Variants in ITGB5 observed in about 807,000 individuals in gnomAD.
The protein encoded by ITGB5 is integrin subunit beta 5.
In ITGB5, 38 loss-of-function variants were observed where a neutral mutation model predicts 84.8. The ratio of observed to expected loss-of-function variants is 0.45; its 90% confidence interval spans 0.35 to 0.59. The LOEUF is 0.59. Among genes scored for constraint, ITGB5 ranks in the 20% least tolerant of loss-of-function variants. The probability of loss-of-function intolerance (pLI) is 0.01; values close to 1 mark genes in which losing one functional copy is unlikely to be tolerated. For synonymous variants in ITGB5, 393 were observed against 414.4 expected (o/e 0.95, Z 0.63); for missense variants, 905 against 1,034.5 (o/e 0.87, Z 1.72).
At chr3:124,785,141 G>A (rs1218414053) in intron 10 of ITGB5, among the ~76,000 whole-genome samples, 1 of 152,208 alleles carries the variant, frequency 6.6e-6, no homozygotes, top group African/African-American at 2.4e-5. Flanking sequence ...AATTTCAGTG[G>A]GGAGTGTGGC....
intron 9 of ITGB5, among the ~76,000 whole-genome samples, chr3:124,798,604 G>A (rs1167978820): frequency 1.3e-5 from 2 of 151,648 alleles, no homozygotes; most frequent in Non-Finnish European, 2.9e-5. Context: ...AGTTTTGGTA[G>A]AGACGGAGAT....
intron 5 of ITGB5, among the ~76,000 whole-genome samples, chr3:124,824,194 C>T (rs2064749761): frequency 6.6e-6 from 1 of 152,176 alleles, no homozygotes; most frequent in African/African-American, 2.4e-5. Flanking sequence ...TACAAAGCTA[C>T]AGTAATCAAG....
intron 1 of ITGB5, among the ~76,000 whole-genome samples, chr3:124,893,321 T>A (rs999410133): frequency 5.9e-5 from 9 of 152,100 alleles, no homozygotes; most frequent in Non-Finnish European, 1.2e-4. Flanking sequence ...GGTATGATAG[T>A]TGCTTGAATC....
intron 3 of ITGB5, among the ~76,000 whole-genome samples, chr3:124,849,177 T>G (rs1328941073): frequency 6.6e-6 from 1 of 152,160 alleles, no homozygotes; most frequent in Non-Finnish European, 1.5e-5. Context: ...CAGTGGACAG[T>G]GAACCAGACA....
At chr3:124,804,960 C>A (rs561753505) in intron 9 of ITGB5, among the ~76,000 whole-genome samples, 26 of 151,980 alleles carry the variant, frequency 1.7e-4, no homozygotes, top group African/African-American at 6.3e-4. Flanking sequence ...AGCCACCGTG[C>A]CCGCCTTTCT....
upstream of ITGB5, among the ~76,000 whole-genome samples, chr3:124,892,039 A>C (rs1935012156): frequency 6.6e-6 from 1 of 152,218 alleles, no homozygotes; most frequent in Admixed American, 6.5e-5. Context: ...ATGCTAAGTG[A>C]AATAGGCCAT....
At chr3:124,780,457 A>G (rs959363391) in intron 10 of ITGB5, among the ~76,000 whole-genome samples, 1 of 152,226 alleles carries the variant, frequency 6.6e-6, no homozygotes, top group Non-Finnish European at 1.5e-5. Flanking sequence ...AGCTGGCTCA[A>G]AAATAGTTTC....
chr3:124,777,780 C>T (rs1408430306), intron 10 of ITGB5, among the ~76,000 whole-genome samples: 1 of 152,188 alleles, frequency 6.6e-6, no homozygotes, highest in African/African-American at 2.4e-5. Context: ...AAAGCGTGAC[C>T]CACACAGACA....
rs372370418 is a variant in ITGB5 at position 124,870,782 on chromosome 3, T to A, written c.156+2664A>T. 1.9e-3 allele frequency among the ~76,000 whole-genome samples: 281 copies of A among 148,710 alleles called. 3 individuals are homozygous for A. Among genetic ancestry groups the A allele is most frequent in the African/African-American group, 6.6e-3 (267 of 40,156 alleles). ...AGGGAGCTTACATTCTCATATCAAA[T>A]GGATACACAGATAAATAGACAGATG... On this transcript the variant is annotated intron_variant, in intron 2 of 14. Coordinates refer to ENST00000296181, the MANE Select transcript of ITGB5 (RefSeq NM_002213.5).
intron 5 of ITGB5, among the ~76,000 whole-genome samples, chr3:124,823,032 G>T (rs912357470): frequency 2.6e-5 from 4 of 152,172 alleles, no homozygotes; most frequent in Non-Finnish European, 4.4e-5. Flanking sequence ...AGGCTGAGGT[G>T]AGAGGACGGC....
rs765973113 is a variant in ITGB5 at position 124,766,192 on chromosome 3, C to T, written c.2137+34G>A. On this transcript the variant is annotated intron_variant, in intron 13 of 14. Coordinates refer to ENST00000296181, the MANE Select transcript of ITGB5 (RefSeq NM_002213.5). ...ATCAGAAATCAGAACTGAGGGCTGG[C>T]TGAGTGGGCCGAGCCCTTGCAGCCC... The T allele has an allele frequency of 1.9e-6, 3 of 1,602,038 alleles. No individual in the cohort carries two copies. In the East Asian group the frequency reaches 6.7e-5, roughly 36 times the overall value.
intron 10 of ITGB5, among the ~76,000 whole-genome samples, chr3:124,783,455 C>T (rs1449336337): frequency 6.6e-6 from 1 of 152,124 alleles, no homozygotes; most frequent in East Asian, 1.9e-4. Flanking sequence ...AGCCTACAAA[C>T]CCACACGCAA....
intron 10 of ITGB5, among the ~76,000 whole-genome samples, chr3:124,779,727 T>C (rs1364563550): frequency 6.6e-6 from 1 of 152,028 alleles, no homozygotes; most frequent in South Asian, 2.1e-4. Flanking sequence ...GCGGGTAGGG[T>C]TGTTGTGTGA....
chr3:124,798,060 T>C (rs1463717522), intron 9 of ITGB5, among the ~76,000 whole-genome samples: 1 of 142,062 alleles, frequency 7.0e-6, no homozygotes, highest in African/African-American at 2.7e-5. Flanking sequence ...TAAAGCTTTT[T>C]TTTTTTTTTT....
chr3:124,785,818 C>A (rs765512077), intron 10 of ITGB5, among the ~76,000 whole-genome samples: 1 of 152,058 alleles, frequency 6.6e-6, no homozygotes, highest in African/African-American at 2.4e-5. Flanking sequence ...CTTAGGAAAA[C>A]GGGCTAAATA....
At chr3:124,800,501 C>G (rs2064299429) in intron 9 of ITGB5, among the ~76,000 whole-genome samples, 1 of 151,996 alleles carries the variant, frequency 6.6e-6, no homozygotes, top group Admixed American at 6.6e-5. Context: ...GCTGGGCAAG[C>G]AAGGAGGGCC....
chr3:124,848,806 G>C (rs2065113115), intron 3 of ITGB5, among the ~76,000 whole-genome samples: 1 of 151,608 alleles, frequency 6.6e-6, no homozygotes, highest in South Asian at 2.1e-4. Flanking sequence ...TTTTGAGACA[G>C]TGTTGCTCTG....
At chr3:124,839,123 G>A (rs2064978158) in intron 5 of ITGB5, among the ~76,000 whole-genome samples, 1 of 152,172 alleles carries the variant, frequency 6.6e-6, no homozygotes, top group East Asian at 1.9e-4. Flanking sequence ...GAGAGATGCT[G>A]GAGGCACATT....
chr3:124,850,219 A>G (rs1254453025), intron 3 of ITGB5, among the ~76,000 whole-genome samples: 4 of 151,998 alleles, frequency 2.6e-5, no homozygotes, highest in African/African-American at 4.8e-5. Context: ...GAAGAATCCA[A>G]TGATCAAAAG....
Sources: gnomAD v4.1 joint callset for allele counts (sites outside exome capture counted in the v4.1 genomes callset) on GRCh38, gnomAD v4.1.1 for gene constraint, MANE v1.5 for transcripts, NCBI Gene and HGNC (gene_info 2026-07-23, HGNC 2026-07-21) for gene names.